SPC25: variants seen among roughly 807,000 people sequenced by gnomAD.
SPC25 encodes the protein kinetochore protein Spc25.
In SPC25, 22 loss-of-function variants were observed where a neutral mutation model predicts 29.6. The ratio of observed to expected loss-of-function variants is 0.74; its 90% confidence interval spans 0.53 to 1.06. SPC25 has a LOEUF of 1.06. Among genes scored for constraint, SPC25 ranks in the 50% least tolerant of loss-of-function variants. The pLI is 0.00. For synonymous variants in SPC25, 91 were observed against 90.4 expected (o/e 1.01, Z -0.04); for missense variants, 230 against 255.8 (o/e 0.90, Z 0.69).
chr2:168,864,298 T>TGAG (rs1689704620), intron 4 of SPC25, among the ~76,000 whole-genome samples: 1 of 146,322 alleles, frequency 6.8e-6, no homozygotes, highest in Non-Finnish European at 1.5e-5. Context: ...TTTTTTTTTC[T>TGAG]GAGACAGAGT....
In SPC25 at chr2:168,876,178, T is replaced by C. The variant is rs1690084004; in HGVS notation, c.347-2A>G. On this transcript the variant is annotated splice_acceptor_variant, in intron 4 of 6. Transcript: ENST00000282074. LOFTEE classifies it high-confidence loss of function. ...TCGCTTTATTAGCAGTAGAAATAGCTGATTAAAAAACACACACAATATTAA... is the reference window on the plus strand; with the variant it reads ...TCGCTTTATTAGCAGTAGAAATAGCCGATTAAAAAACACACACAATATTAA... 2 of 1,543,794 alleles carry C rather than the reference T, an allele frequency of 1.3e-6. No individual in the cohort carries two copies. The highest frequency in any genetic ancestry group is 1.4e-5 in the African/African-American group (1 of 70,620).
rs773967742 is a variant in SPC25, at chr2:168,889,305, T to C, written c.134-14A>G. ...CAGACAGCTTTTCTGAAAGAGAAAT[T>C]GAACTTTCAATTCAGCTGCAATAAC... On this transcript the variant is annotated splice_polypyrimidine_tract_variant and intron_variant, in intron 2 of 6. Transcript: ENST00000282074. The C allele has an allele frequency of 6.2e-7, 1 of 1,613,802 alleles. No individual in the cohort carries two copies. Among genetic ancestry groups the C allele is most frequent in the Non-Finnish European group, 8.5e-7 (1 of 1,179,912 alleles).
At chr2:168,865,193 G>C in intron 4 of SPC25, 1 of 528,920 alleles carries the variant, frequency 1.9e-6, no homozygotes. Context: ...GTTCCTAGAG[G>C]AGTTTCCAAA....
At chr2:168,864,590 T>G (rs1689735994) in intron 4 of SPC25, among the ~76,000 whole-genome samples, 1 of 152,206 alleles carries the variant, frequency 6.6e-6, no homozygotes, top group African/African-American at 2.4e-5. Context: ...CAGCCAATCC[T>G]GTCTTTAAGC....
intron 6 of SPC25, among the ~76,000 whole-genome samples, chr2:168,872,305 C>G (rs1690009725): frequency 1.3e-5 from 2 of 152,170 alleles, no homozygotes. Context: ...GCCTTAATAA[C>G]TTACAATTAT....
At chr2:168,880,772 A>G (rs1323618026) in intron 3 of SPC25, among the ~76,000 whole-genome samples, 1 of 152,164 alleles carries the variant, frequency 6.6e-6, no homozygotes, top group Non-Finnish European at 1.5e-5. Flanking sequence ...AATACTGGAG[A>G]CTAGGGAGGC....
chr2:168,884,002 C>T (rs557938183), intron 3 of SPC25, among the ~76,000 whole-genome samples: 1 of 152,178 alleles, frequency 6.6e-6, no homozygotes, highest in East Asian at 1.9e-4. Flanking sequence ...ATCTTTTGAC[C>T]TCGTGATCCG....
rs145495723 is a variant in SPC25, at chr2:168,862,123, G to C, written n.419+11462C>G. The C allele has an allele frequency of 8.4e-4, 1,125 of 1,343,138 alleles. 4 individuals carry two copies. In the African/African-American group the frequency reaches 0.014, roughly 16 times the overall value. The allele number at this position is 1,343,138 out of a possible 1,614,324, so 83.2% of individuals were successfully genotyped here. A position where few individuals can be genotyped will look rare whatever the true frequency, so the allele number is the denominator to read the frequency against. On this transcript the variant is annotated intron_variant and non_coding_transcript_variant, in intron 4 of 4. Transcript: ENST00000479309. The stretch of plus-strand genomic sequence containing the variant: ...TTAGCATGAATAAAACCCTGTCTTA[G>C]TGTGGCAGCCTTAAGAGTTACTACC...
chr2:168,879,679 G>A (rs2105829087), intron 3 of SPC25, among the ~76,000 whole-genome samples: 1 of 152,312 alleles, frequency 6.6e-6, no homozygotes, highest in South Asian at 2.1e-4. Flanking sequence ...ATGGCATCTA[G>A]AATGGTGAAT....
At chr2:168,862,433 C>T (rs931494213) in intron 4 of SPC25, among the ~76,000 whole-genome samples, 3 of 152,196 alleles carry the variant, frequency 2.0e-5, no homozygotes, top group Admixed American at 6.5e-5. Flanking sequence ...TCACAGTGCA[C>T]ACTAGGGTAG....
chr2:168,889,060 T>TATATACAC (rs1447536060), intron 3 of SPC25, among the ~76,000 whole-genome samples, 166 bp downstream of exon 3: 6 of 53,098 alleles, frequency 1.1e-4, no homozygotes, highest in Non-Finnish European at 1.6e-4. Context: ...TATATATACA[T>TATATACAC]ATATATATAC....
intron 3 of SPC25, among the ~76,000 whole-genome samples, chr2:168,884,641 CCTT>C (rs1360300920): frequency 6.6e-6 from 1 of 152,138 alleles, no homozygotes; most frequent in East Asian, 1.9e-4. Context: ...GTTTTGGTGA[CCTT>C]CTCTCTTACT....
chr2:168,875,139 T>C (rs1434501650), intron 5 of SPC25, among the ~76,000 whole-genome samples: 4 of 152,176 alleles, frequency 2.6e-5, no homozygotes, highest in African/African-American at 4.8e-5. Context: ...GGAAAGTCTA[T>C]GCTCACTGGT....
intron 3 of SPC25, among the ~76,000 whole-genome samples, chr2:168,879,990 CAT>C (rs1383652386): frequency 2.6e-5 from 4 of 152,206 alleles, no homozygotes; most frequent in African/African-American, 7.2e-5. Context: ...GCTATACACA[CAT>C]GTGCTGTCAT....
chr2:168,871,987 T>TG (rs138942777), intron 6 of SPC25, among the ~76,000 whole-genome samples: 2,173 of 151,812 alleles, frequency 0.014, 31 homozygotes, highest in Non-Finnish European at 0.023. Flanking sequence ...CAATTTTCTT[T>TG]TTTTTTGAGA....
downstream of SPC25, among the ~76,000 whole-genome samples, chr2:168,869,409 C>G (rs903591981): frequency 1.4e-4 from 22 of 152,204 alleles, no homozygotes; most frequent in African/African-American, 2.2e-4. Context: ...AAAAGAGGAA[C>G]TCAAATTGTC....
Position 168,879,274 on chromosome 2 carries a change from G to A in SPC25, c.200-1890C>T, listed in dbSNP as rs1258914268. On this transcript the variant is annotated intron_variant, in intron 3 of 6. Transcript: ENST00000282074. Reference sequence around the variant, plus strand: ...TGTTTGACAGCATTTACCCCTGGTAGAACTGTTTTCAAAATTGGAGTCAGT... The same window carrying A: ...TGTTTGACAGCATTTACCCCTGGTAAAACTGTTTTCAAAATTGGAGTCAGT... Among the ~76,000 whole-genome samples the A allele has an allele frequency of 2.6e-5, 4 of 152,232 alleles. 1 individual carries two copies. Among genetic ancestry groups the A allele is most frequent in the East Asian group, 3.8e-4 (2 of 5,204 alleles).
At chr2:168,880,787 G>A (rs1033981640) in intron 3 of SPC25, among the ~76,000 whole-genome samples, 4 of 152,170 alleles carry the variant, frequency 2.6e-5, no homozygotes, top group African/African-American at 9.7e-5. Context: ...GGAGGCCCAA[G>A]GAGAGGAAGA....
intron 3 of SPC25, 130 bp downstream of exon 3, chr2:168,889,096 T>TATATATACAC: frequency 2.4e-6 from 1 of 419,920 alleles, no homozygotes; most frequent in East Asian, 4.8e-5. Flanking sequence ...TATATACACA[T>TATATATACAC]ATATATATAC....
Sources: allele counts gnomAD v4.1 joint callset (sites outside exome capture counted in the v4.1 genomes callset), GRCh38; gene constraint gnomAD v4.1.1; transcripts MANE v1.5; gene names NCBI Gene and HGNC (gene_info 2026-07-23, HGNC 2026-07-21).